The following TNKS variants were observed in gnomAD, a reference collection of about 807,000 sequenced individuals.
The protein encoded by TNKS is tankyrase.
TNKS carries 72 observed loss-of-function variants against 135.8 expected under a neutral mutation model. The ratio of observed to expected loss-of-function variants is 0.53; its 90% CI spans 0.44 to 0.64. TNKS has a LOEUF of 0.64. Ranked by LOEUF, TNKS falls within the 30% of genes least tolerant of loss-of-function variation. The pLI is 0.00. For synonymous variants in TNKS, 849 were observed against 649.3 expected (o/e 1.31, Z -4.68); for missense variants, 1,769 against 1,674.0 (o/e 1.06, Z -0.99).
chr8:9,766,594 T>G (rs1807463856), intron 25 of TNKS, among the ~76,000 whole-genome samples, 169 bp downstream of exon 25: 1 of 150,642 alleles, frequency 6.6e-6, no homozygotes, highest in Non-Finnish European at 1.5e-5. Flanking sequence ...CAAGCAATTC[T>G]CCTGCCTCAG....
At chr8:9,603,518 C>G (rs774733671) in intron 2 of TNKS, among the ~76,000 whole-genome samples, 5 of 152,180 alleles carry the variant, frequency 3.3e-5, no homozygotes, top group African/African-American at 4.8e-5. Context: ...AGAGAACAGG[C>G]TAAGACCACA....
At chr8:9,726,854 G>A (rs1243205706) in intron 13 of TNKS, 134 bp downstream of exon 13, 2 of 698,818 alleles carry the variant, frequency 2.9e-6, no homozygotes, top group Non-Finnish European at 2.4e-6. Flanking sequence ...GGAAAAATCT[G>A]TACTACTATT....
At chr8:9,654,492 A>G (rs1440983990) in intron 3 of TNKS, among the ~76,000 whole-genome samples, 1 of 152,242 alleles carries the variant, frequency 6.6e-6, no homozygotes, top group Non-Finnish European at 1.5e-5. Context: ...GAATACACAA[A>G]CATGTTTTTA....
At chr8:9,670,471 C>G (rs187701544) in intron 3 of TNKS, among the ~76,000 whole-genome samples, 102 of 152,242 alleles carry the variant, frequency 6.7e-4, no homozygotes, top group Non-Finnish European at 6.2e-4. Context: ...AATCCCATCC[C>G]TAATGTCAGC....
At chr8:9,608,670 C>G (rs888198136) in intron 2 of TNKS, among the ~76,000 whole-genome samples, 1 of 152,186 alleles carries the variant, frequency 6.6e-6, no homozygotes, top group African/African-American at 2.4e-5. Flanking sequence ...ACAGATCCTT[C>G]TTCTCTAGTT....
At position 9,780,631 on chromosome 8, in the gene TNKS, T is replaced by C. The variant is rs556901949; in HGVS notation, c.*3895T>C. On this transcript the variant is annotated 3_prime_UTR_variant, in exon 27 of 27. Transcript: ENST00000310430. ...CACTCTGCCATTAATAAATTAAATT[T>C]TTCCCCTCTAGAAAGCCTTAACTAT... The C allele has an allele frequency of 6.6e-6, 1 of 152,214 alleles. No individual in the cohort carries two copies. The highest frequency in any genetic ancestry group is 1.5e-5 in the Non-Finnish European group (1 of 68,036). 9.4% of individuals were successfully genotyped at this position (152,214 alleles called of 1,614,324 possible).
intron 2 of TNKS, among the ~76,000 whole-genome samples, chr8:9,585,399 A>G (rs1798335868): frequency 6.6e-6 from 1 of 152,208 alleles, no homozygotes; most frequent in African/African-American, 2.4e-5. Context: ...ATAATTAAAC[A>G]AATGATAAGA....
chr8:9,766,462 C>A lies in TNKS; in HGVS notation c.3740+37C>A, dbSNP rs192986149. On this transcript the variant is annotated intron_variant, in intron 25 of 26. Coordinates refer to ENST00000310430, the MANE Select transcript of TNKS (RefSeq NM_003747.3). ...GCCATTAGTGTAACGTTTCCCACCC[C>A]TAGGTCACGAACCAAATTGTCTTTT... is the stretch of plus-strand genomic sequence containing the variant. 1.8e-4 allele frequency: 248 copies of A among 1,413,368 alleles called. 2 individuals are homozygous for A. The East Asian group carries it at 6.2e-3, about 36-fold the overall frequency. 87.6% of individuals were successfully genotyped at this position (1,413,368 alleles called of 1,614,324 possible).
intron 3 of TNKS, chr8:9,658,535 G>A (rs964635867): frequency 7.5e-6 from 3 of 397,790 alleles, no homozygotes; most frequent in Admixed American, 4.8e-5. Flanking sequence ...AGCAAATGCT[G>A]AGAGATTTTG....
intron 3 of TNKS, among the ~76,000 whole-genome samples, chr8:9,625,414 C>T: frequency 6.6e-6 from 1 of 151,342 alleles, no homozygotes; most frequent in African/African-American, 2.4e-5. Flanking sequence ...TTTATTATTT[C>T]CTTTTTTCTG....
At chr8:9,758,118 A>G (rs1454787916) in intron 20 of TNKS, among the ~76,000 whole-genome samples, 1 of 152,356 alleles carries the variant, frequency 6.6e-6, no homozygotes, top group Non-Finnish European at 1.5e-5. Flanking sequence ...CCTCATAAAT[A>G]CATTAATAGT....
chr8:9,654,116 C>G (rs1283024889), intron 3 of TNKS, among the ~76,000 whole-genome samples: 1 of 152,204 alleles, frequency 6.6e-6, no homozygotes, highest in Admixed American at 6.5e-5. Flanking sequence ...GCATTAGTCA[C>G]TGTTCTGCAG....
At chr8:9,729,780 T>TTC (rs1805340306) in intron 13 of TNKS, among the ~76,000 whole-genome samples, 1 of 141,706 alleles carries the variant, frequency 7.1e-6, no homozygotes, top group Non-Finnish European at 1.5e-5. Context: ...TCTTTTTTTT[T>TTC]TTTTTTTTTT....
intron 3 of TNKS, among the ~76,000 whole-genome samples, chr8:9,622,413 G>T (rs932779414): frequency 1.6e-4 from 25 of 152,134 alleles, no homozygotes; most frequent in African/African-American, 5.8e-4. Flanking sequence ...TATTTCAAGG[G>T]CGCTGAATCC....
intron 21 of TNKS, among the ~76,000 whole-genome samples, 179 bp from the exon 22 acceptor site, chr8:9,762,968 T>A (rs1337420854): frequency 6.6e-6 from 1 of 151,810 alleles, no homozygotes; most frequent in Non-Finnish European, 1.5e-5. Context: ...TTCTCCTGTC[T>A]GTCTTTGAGT....
intron 1 of TNKS, among the ~76,000 whole-genome samples, chr8:9,578,255 C>T (rs140950837): frequency 6.6e-6 from 1 of 152,274 alleles, no homozygotes; most frequent in Admixed American, 6.5e-5. Context: ...TGGGTCAGGA[C>T]AGCACTTATG....
intron 26 of TNKS, chr8:9,772,534 A>T: frequency 2.4e-6 from 1 of 413,782 alleles, no homozygotes. Context: ...TCCAGATTAC[A>T]TGAGGCCCAA....
rs1340848245 is a variant in TNKS at position 9,705,585 on chromosome 8, G to A, written c.1203-602G>A. Among the ~76,000 whole-genome samples the A allele has an allele frequency of 2.0e-5, 3 of 152,172 alleles. No homozygotes were observed. In the East Asian group the frequency reaches 5.8e-4, roughly 29 times the overall value. On this transcript the variant is annotated intron_variant, in intron 6 of 26. Transcript: ENST00000310430. ...TTTCCAATCTGCTTTTTCTGGTGCT[G>A]TTCTCTTGCCTGCACCAGGTTTTGT...
chr8:9,757,726 C>T (rs535048661), intron 20 of TNKS, among the ~76,000 whole-genome samples: 1 of 152,106 alleles, frequency 6.6e-6, no homozygotes, highest in African/African-American at 2.4e-5. Flanking sequence ...TTTCATGGCC[C>T]CACTCTTTTA....
Sources: allele counts gnomAD v4.1 joint callset (sites outside exome capture counted in the v4.1 genomes callset), GRCh38; gene constraint gnomAD v4.1.1; transcripts MANE v1.5; gene names NCBI Gene and HGNC (gene_info 2026-07-23, HGNC 2026-07-21).